The following DACH1 variants were observed in gnomAD, a reference collection of about 807,000 sequenced individuals.
The protein encoded by DACH1 is dachshund family transcription factor 1, also known as dachshund homolog 1.
In DACH1, 12 loss-of-function variants were observed where a neutral mutation model predicts 54.2. The observed-to-expected ratio is 0.22, with a 90% CI of 0.14 to 0.36. The LOEUF (loss-of-function observed/expected upper bound fraction) is 0.36, where lower values mean the gene tolerates loss of function less well. DACH1 is among the 10% of genes least tolerant of loss of function. DACH1 has a pLI of 1.00. For synonymous variants in DACH1, 386 were observed against 366.2 expected (o/e 1.05, Z -0.62); for missense variants, 805 against 929.8 (o/e 0.87, Z 1.75).
chr13:71,548,922 A>G (rs1206762832), intron 6 of DACH1, among the ~76,000 whole-genome samples: 2 of 152,158 alleles, frequency 1.3e-5, no homozygotes, highest in African/African-American at 4.8e-5. Flanking sequence ...GTCACCAAAA[A>G]GAAAAAAGAA....
chr13:71,682,182 C>T (rs935716311), intron 1 of DACH1, among the ~76,000 whole-genome samples: 5 of 152,154 alleles, frequency 3.3e-5, no homozygotes, highest in Non-Finnish European at 5.9e-5. Flanking sequence ...TGAATTGCCT[C>T]GTTTGCATAT....
At chr13:71,554,846 A>G (rs1392003257) in intron 6 of DACH1, among the ~76,000 whole-genome samples, 1 of 152,222 alleles carries the variant, frequency 6.6e-6, no homozygotes, top group Non-Finnish European at 1.5e-5. Flanking sequence ...AATTATAATA[A>G]TAATAAATAA....
chr13:71,458,195 TA>T (rs201438111), intron 10 of DACH1, among the ~76,000 whole-genome samples: 1 of 151,658 alleles, frequency 6.6e-6, no homozygotes, highest in Admixed American at 6.6e-5. Context: ...TTTCAGAATT[TA>T]AAAAAAACAG....
intron 1 of DACH1, among the ~76,000 whole-genome samples, chr13:71,759,841 G>A (rs1594187540): frequency 1.3e-5 from 2 of 152,216 alleles, no homozygotes; most frequent in Middle Eastern, 6.8e-3. Flanking sequence ...AATGAGCAAT[G>A]TCAATAGTTT....
At chr13:71,553,430 T>C (rs1884017099) in intron 6 of DACH1, among the ~76,000 whole-genome samples, 1 of 118,560 alleles carries the variant, frequency 8.4e-6, no homozygotes, top group South Asian at 3.2e-4. Flanking sequence ...CATATATGTA[T>C]ATTAGACATA....
At chr13:71,862,432 T>C (rs1874420824) in intron 1 of DACH1, among the ~76,000 whole-genome samples, 3 of 152,066 alleles carry the variant, frequency 2.0e-5, no homozygotes, top group South Asian at 4.1e-4. Flanking sequence ...TAATGTTTAG[T>C]TTTGAAATAA....
At chr13:71,451,592 A>G (rs1225732282) in intron 10 of DACH1, among the ~76,000 whole-genome samples, 2 of 152,220 alleles carry the variant, frequency 1.3e-5, no homozygotes, top group African/African-American at 2.4e-5. Context: ...AAGAAACATC[A>G]GATGCAAAAT....
intron 1 of DACH1, among the ~76,000 whole-genome samples, chr13:71,733,867 T>A (rs1052338280): frequency 6.6e-6 from 1 of 151,972 alleles, no homozygotes; most frequent in Non-Finnish European, 1.5e-5. Context: ...GTGGCCAACA[T>A]GGTGAAACCC....
At chr13:71,653,471 A>G (rs528569638) in intron 2 of DACH1, among the ~76,000 whole-genome samples, 1 of 152,186 alleles carries the variant, frequency 6.6e-6, no homozygotes, top group Non-Finnish European at 1.5e-5. Flanking sequence ...TCAGACTAAG[A>G]GCAAAGGCAG....
At position 71,818,103 on chromosome 13, in the gene DACH1, G is replaced by A. The variant is rs542035119; in HGVS notation, c.848+47819C>T. On this transcript the variant is annotated intron_variant, in intron 1 of 10. Transcript: ENST00000613252. ...GCTGGGATTACAGGTGTGAGCCACC[G>A]CACCCAGCCATTTTCAAAGTACATT... Among the ~76,000 whole-genome samples, 12 of 152,096 alleles carry A rather than the reference G, an allele frequency of 7.9e-5. No homozygotes were observed. In the South Asian group the frequency reaches 1.2e-3, roughly 16 times the overall value.
intron 1 of DACH1, among the ~76,000 whole-genome samples, chr13:71,843,606 C>T (rs1481523436): frequency 6.6e-6 from 1 of 152,094 alleles, no homozygotes; most frequent in Admixed American, 6.6e-5. Flanking sequence ...TTCTAGGATT[C>T]TATTGGATTT....
intron 1 of DACH1, among the ~76,000 whole-genome samples, chr13:71,731,437 T>A (rs944658295): frequency 1.3e-5 from 2 of 151,838 alleles, no homozygotes; most frequent in Non-Finnish European, 2.9e-5. Context: ...GCGCCCGCCA[T>A]CACACCCGGC....
At chr13:71,467,501 TAATAA>T (rs1233933534) in intron 10 of DACH1, among the ~76,000 whole-genome samples, 4 of 150,472 alleles carry the variant, frequency 2.7e-5, no homozygotes, top group East Asian at 1.9e-4. Flanking sequence ...AGTATAATAA[TAATAA>T]AATAAAATAA....
intron 7 of DACH1, among the ~76,000 whole-genome samples, chr13:71,480,846 A>G (rs944050342): frequency 5.3e-5 from 8 of 152,174 alleles, no homozygotes. Flanking sequence ...TTGACCACAT[A>G]CAAATTATTC....
intron 10 of DACH1, among the ~76,000 whole-genome samples, chr13:71,452,440 T>TCAAA (rs1457937320): frequency 6.6e-6 from 1 of 152,190 alleles, no homozygotes; most frequent in Non-Finnish European, 1.5e-5. Flanking sequence ...AATTCTTTTT[T>TCAAA]CAAACACAAA....
intron 10 of DACH1, among the ~76,000 whole-genome samples, chr13:71,450,428 T>C (rs1031868300): frequency 1.3e-5 from 2 of 152,136 alleles, no homozygotes; most frequent in African/African-American, 4.8e-5. Flanking sequence ...TTAATAAATG[T>C]TGCGTGTGTT....
chr13:71,511,404 A>T (rs1361917168), intron 6 of DACH1, among the ~76,000 whole-genome samples: 1 of 151,986 alleles, frequency 6.6e-6, no homozygotes, highest in Non-Finnish European at 1.5e-5. Context: ...GATATTAAAC[A>T]AACGAGGAAA....
In DACH1 at chr13:71,475,123, C is replaced by T. The variant is rs764268593; in HGVS notation, c.2083+18G>A. 1.2e-6 allele frequency: 2 copies of T among 1,611,414 alleles called. No individual in the cohort carries two copies. The highest frequency in any genetic ancestry group is 1.7e-6 in the Non-Finnish European group (2 of 1,177,636). ...CATATAGCAAGATCTAGATTTATAGCCTTCTGCAAATTCCTACCTTGTATT... is the reference window on the plus strand; with the variant it reads ...CATATAGCAAGATCTAGATTTATAGTCTTCTGCAAATTCCTACCTTGTATT... On this transcript the variant is annotated intron_variant, in intron 10 of 10. Coordinates refer to ENST00000613252, the MANE Select transcript of DACH1 (RefSeq NM_080759.6).
chr13:71,805,886 C>A (rs1335393297), intron 1 of DACH1, among the ~76,000 whole-genome samples: 1 of 152,126 alleles, frequency 6.6e-6, no homozygotes, highest in Non-Finnish European at 1.5e-5. Context: ...CATCTCACTG[C>A]AACTTCTACC....
Sources: gnomAD v4.1 joint callset for allele counts (sites outside exome capture counted in the v4.1 genomes callset) on GRCh38, gnomAD v4.1.1 for gene constraint, MANE v1.5 for transcripts, NCBI Gene and HGNC (gene_info 2026-07-23, HGNC 2026-07-21) for gene names.